MEGF6: variants seen among roughly 807,000 people sequenced by gnomAD.
MEGF6 encodes multiple EGF like domains 6.
MEGF6 carries 184 observed loss-of-function variants against 207.1 expected under a neutral mutation model. That is an observed-to-expected ratio of 0.89 (90% CI 0.79 to 1.00). The LOEUF is 1.00. MEGF6 is among the 50% of genes least tolerant of loss of function. The pLI is 0.00. For synonymous variants in MEGF6, 1,038 were observed against 910.0 expected (o/e 1.14, Z -2.53); for missense variants, 2,282 against 2,202.9 (o/e 1.04, Z -0.72).
chr1:3,494,507 C>A lies in MEGF6; in HGVS notation c.4001-8G>T. On this transcript the variant is annotated splice_polypyrimidine_tract_variant and splice_region_variant and intron_variant, in intron 31 of 36. Coordinates refer to ENST00000356575, the MANE Select transcript of MEGF6 (RefSeq NM_001409.4). ...AGCGCCCAGGGGGACAGGCTGGGGA[C>A]AGGGCAGGGTGGGCAGTCCTTCGGC... is the stretch of plus-strand genomic sequence containing the variant. 1 of 1,587,562 alleles carries A rather than the reference C, an allele frequency of 6.3e-7. No individual in the cohort carries two copies. The highest frequency in any genetic ancestry group is 8.5e-7 in the Non-Finnish European group (1 of 1,170,562).
intron 2 of MEGF6, among the ~76,000 whole-genome samples, chr1:3,601,735 T>C (rs1396575602): frequency 1.3e-5 from 2 of 152,214 alleles, no homozygotes; most frequent in Admixed American, 6.5e-5. Flanking sequence ...ACATCTGAAT[T>C]GCGCAGCAAA....
At position 3,535,214 on chromosome 1, in the gene MEGF6, G is replaced by T. The variant is rs150996397; in HGVS notation, c.482-10968C>A. On this transcript the variant is annotated intron_variant, in intron 4 of 36. Transcript: ENST00000356575. ...GTGCCCGTGGGATCCAGGCAGAGGA[G>T]GGCAGCCAACAGAGCAGGGCGAGCC... Among the ~76,000 whole-genome samples, 573 of 152,260 alleles carry T rather than the reference G, an allele frequency of 3.8e-3. 3 individuals carry two copies. Among genetic ancestry groups the T allele is most frequent in the African/African-American group, 0.013 (537 of 41,518 alleles).
chr1:3,536,697 T>C (rs978750121), intron 4 of MEGF6, among the ~76,000 whole-genome samples: 7 of 152,262 alleles, frequency 4.6e-5, no homozygotes, highest in African/African-American at 1.7e-4. Context: ...CAGAAGGCTC[T>C]CCCAGCCCCC....
chr1:3,595,277 C>T, intron 3 of MEGF6, 61 bp downstream of exon 3: 2 of 1,222,098 alleles, frequency 1.6e-6, no homozygotes, highest in Non-Finnish European at 1.2e-6. Flanking sequence ...AGATTCATGG[C>T]TCTGCTGAGT....
chr1:3,508,748 G>A (rs549529353), intron 12 of MEGF6, 59 bp from the exon 13 acceptor site: 1 of 1,592,218 alleles, frequency 6.3e-7, no homozygotes, highest in African/African-American at 1.3e-5. Flanking sequence ...AGCAGGCACA[G>A]AGGCCCGGCT....
At chr1:3,563,792 G>A (rs1009999950) in intron 4 of MEGF6, among the ~76,000 whole-genome samples, 2 of 152,172 alleles carry the variant, frequency 1.3e-5, no homozygotes, top group Non-Finnish European at 2.9e-5. Context: ...ACACTGAGAC[G>A]GAGAGGCTGG....
In MEGF6 at chr1:3,573,907, G is replaced by A. The variant is rs370432869; in HGVS notation, c.481+5918C>T. Among the ~76,000 whole-genome samples the A allele has an allele frequency of 4.1e-4, 62 of 152,196 alleles. No individual in the cohort carries two copies. Among genetic ancestry groups the A allele is most frequent in the East Asian group, 4.1e-3 (21 of 5,162 alleles). On this transcript the variant is annotated intron_variant, in intron 4 of 36. Coordinates refer to ENST00000356575, the MANE Select transcript of MEGF6 (RefSeq NM_001409.4). The surrounding 1 kb of genome is among the most constrained non-coding windows in gnomAD (Gnocchi z 5.1). ...CAATGGTCCCAGTTTAGAAACAGTCGCCCTGAGCCAACGCCAAGGGCTAAA... is the reference window on the plus strand; with the variant it reads ...CAATGGTCCCAGTTTAGAAACAGTCACCCTGAGCCAACGCCAAGGGCTAAA...
chr1:3,604,610 G>A (rs972778713), intron 1 of MEGF6, among the ~76,000 whole-genome samples: 29 of 152,144 alleles, frequency 1.9e-4, no homozygotes, highest in African/African-American at 5.6e-4. Context: ...GAGGTGACTC[G>A]TTCAGGAGTG....
chr1:3,561,430 C>G (rs932706004), intron 4 of MEGF6, among the ~76,000 whole-genome samples: 1 of 152,204 alleles, frequency 6.6e-6, no homozygotes, highest in Non-Finnish European at 1.5e-5. Flanking sequence ...GGGGTCACCC[C>G]GCTGGACCAG....
chr1:3,494,047 T>G lies in MEGF6; in HGVS notation c.4207A>C (p.Ser1403Arg). 6.2e-7 allele frequency: 1 copy of G among 1,609,290 alleles called. No homozygotes were observed. Among genetic ancestry groups the G allele is most frequent in the Non-Finnish European group, 8.5e-7 (1 of 1,178,286 alleles). The change falls in exon 33 of 37, where the codon AGT becomes CGT. Residue 1403 changes from serine (S) to arginine (R), a missense_variant. Transcript: ENST00000356575. Reference protein sequence around the residue: ...CQHGAPCDPISGRCLCPAGFH... With the variant: ...CQHGAPCDPIRGRCLCPAGFH... ...CCGGCAGGGCAGAGGCATCGGCCAC[T>G]GATGGGGTCGCAGGGGGCTCCATGT...
intron 4 of MEGF6, among the ~76,000 whole-genome samples, chr1:3,538,288 C>A (rs534996300): frequency 2.0e-5 from 3 of 152,180 alleles, no homozygotes; most frequent in African/African-American, 7.2e-5. Context: ...CCCCTTCTCC[C>A]ACTGTCGCCA....
intron 26 of MEGF6, chr1:3,497,631 C>T (rs560661649): frequency 1.4e-5 from 9 of 643,280 alleles, no homozygotes; most frequent in Admixed American, 8.5e-5. Context: ...GCTGCAGGGA[C>T]GAGACAGATA....
intron 4 of MEGF6, among the ~76,000 whole-genome samples, chr1:3,549,059 C>T (rs778671950): frequency 1.3e-5 from 2 of 152,176 alleles, no homozygotes; most frequent in East Asian, 1.9e-4. Flanking sequence ...TACCTGCGGG[C>T]GCCGCCTCCA....
At chr1:3,586,865 G>T (rs569633308) in intron 3 of MEGF6, among the ~76,000 whole-genome samples, 1 of 152,314 alleles carries the variant, frequency 6.6e-6, no homozygotes, top group East Asian at 1.9e-4. Flanking sequence ...CTGGACATGG[G>T]GCCCCAAGCC....
At chr1:3,491,208 T>C (rs1353069638) in intron 35 of MEGF6, among the ~76,000 whole-genome samples, 1 of 151,970 alleles carries the variant, frequency 6.6e-6, no homozygotes, top group Non-Finnish European at 1.5e-5. Context: ...TCAGGGGCTT[T>C]ACCGAACGCC....
In MEGF6 at chr1:3,501,301, G is replaced by T; in HGVS notation, c.2322C>A (p.Pro774=). 1 of 1,597,244 alleles carries T rather than the reference G, an allele frequency of 6.3e-7. No individual in the cohort carries two copies. The highest frequency in any genetic ancestry group is 2.3e-5 in the East Asian group (1 of 43,740). The change falls in exon 19 of 37, where the codon CCC becomes CCA. Residue 774 remains proline, a synonymous_variant. Coordinates refer to ENST00000356575, the MANE Select transcript of MEGF6 (RefSeq NM_001409.4). ...RTGEDCEADC[P]EGRWGLGCQE... is the part of the protein sequence containing the mutation. ...GGCAGCCCAGCCCCCAGCGGCCCTC[G>T]GGACAATCTAGTGCCCACCCCCATG...
intron 3 of MEGF6, among the ~76,000 whole-genome samples, chr1:3,580,970 T>A (rs1017741454): frequency 6.6e-6 from 1 of 152,010 alleles, no homozygotes; most frequent in African/African-American, 2.4e-5. Flanking sequence ...CTGGGGCTCC[T>A]GGGATTCCCA....
At chr1:3,501,127 T>C (rs960947531) in intron 19 of MEGF6, 33 bp from the exon 20 acceptor site, 7 of 1,612,556 alleles carry the variant, frequency 4.3e-6, no homozygotes, top group Non-Finnish European at 5.9e-6. Context: ...GAGTGGGGCC[T>C]GGCCACCTAC....
intron 7 of MEGF6, among the ~76,000 whole-genome samples, chr1:3,512,679 T>C (rs1017928532): frequency 1.3e-5 from 2 of 152,232 alleles, no homozygotes; most frequent in Non-Finnish European, 2.9e-5. Flanking sequence ...ACGTGAGGTG[T>C]GACTTGCTCC....
Sources: allele counts gnomAD v4.1 joint callset (sites outside exome capture counted in the v4.1 genomes callset), GRCh38; gene constraint gnomAD v4.1.1; non-coding constraint Gnocchi (gnomAD v3.1); transcripts MANE v1.5; gene names NCBI Gene and HGNC (gene_info 2026-07-23, HGNC 2026-07-21).